Variants in KAZN observed in about 807,000 individuals in gnomAD.
KAZN encodes kazrin.
Under a neutral mutation model 87.4 loss-of-function variants are expected in KAZN, and 40 were observed. The observed-to-expected ratio is 0.46, with a 90% CI of 0.36 to 0.60. The LOEUF is 0.60. KAZN is among the 20% of genes least tolerant of loss of function. The probability of loss-of-function intolerance (pLI) is 0.00; values close to 1 mark genes in which losing one functional copy is unlikely to be tolerated. For missense variants in KAZN, 898 were observed against 1,073.9 expected (o/e 0.84, Z 2.29); for synonymous variants, 466 against 458.3 (o/e 1.02, Z -0.22).
rs866770285 is a variant in KAZN at position 14,616,083 on chromosome 1, G to A, written c.226+16860G>A. 6.6e-5 allele frequency among the ~76,000 whole-genome samples: 10 copies of A among 152,274 alleles called. No homozygotes were observed. The East Asian group carries it at 1.7e-3, about 26-fold the overall frequency. On this transcript the variant is annotated intron_variant, in intron 1 of 14. Transcript: ENST00000376030. The stretch of plus-strand genomic sequence containing the variant: ...GTGCCCATGTGGGTTATGGAATGAC[G>A]CAATGCCTATACAATCCAGGAAGGG...
chr1:14,291,929 T>C (rs1278553180), intron 2 of KAZN, among the ~76,000 whole-genome samples: 2 of 152,192 alleles, frequency 1.3e-5, no homozygotes, highest in African/African-American at 2.4e-5. Context: ...TCTACCATGA[T>C]TGTAAGTTTC....
intron 8 of KAZN, among the ~76,000 whole-genome samples, chr1:15,074,553 TG>T (rs1639654506): frequency 6.6e-6 from 1 of 152,034 alleles, no homozygotes; most frequent in African/African-American, 2.4e-5. Flanking sequence ...AATAGGAAAA[TG>T]GGGCCCCTGG....
intron 1 of KAZN, among the ~76,000 whole-genome samples, chr1:14,630,978 A>G (rs1285360604): frequency 6.6e-6 from 1 of 152,232 alleles, no homozygotes; most frequent in Non-Finnish European, 1.5e-5. Flanking sequence ...TAACTAGTAT[A>G]CGTTGATTAC....
intron 1 of KAZN, among the ~76,000 whole-genome samples, chr1:14,070,682 C>T (rs141561476): frequency 3.3e-5 from 5 of 152,298 alleles, no homozygotes; most frequent in African/African-American, 7.2e-5. Context: ...GTGACACTTT[C>T]GTACACGTAT....
chr1:14,192,125 G>A (rs1445872306), intron 2 of KAZN, among the ~76,000 whole-genome samples: 1 of 152,134 alleles, frequency 6.6e-6, no homozygotes, highest in African/African-American at 2.4e-5. Context: ...CCCAAACATA[G>A]ACATAGAGGA....
chr1:14,093,128 T>C (rs1284681063), intron 1 of KAZN, among the ~76,000 whole-genome samples: 2 of 152,172 alleles, frequency 1.3e-5, no homozygotes, highest in Non-Finnish European at 2.9e-5. Flanking sequence ...CTGACCCACC[T>C]CTGCATCCTC....
chr1:15,027,174 C>T (rs1490263690), intron 2 of KAZN, among the ~76,000 whole-genome samples: 2 of 148,756 alleles, frequency 1.3e-5, no homozygotes, highest in Non-Finnish European at 3.0e-5. Context: ...CTCCGCCTCC[C>T]GGGTTCACGC....
rs145681878 is a variant in KAZN, at chr1:14,687,604, G to A, written c.226+88381G>A. 3.1e-3 allele frequency among the ~76,000 whole-genome samples: 469 copies of A among 152,304 alleles called. 6 individuals are homozygous for A. The highest frequency in any genetic ancestry group is 4.5e-3 in the Non-Finnish European group (304 of 68,030). On this transcript the variant is annotated intron_variant, in intron 1 of 14. Transcript: ENST00000376030. Reference sequence around the variant, plus strand: ...TCCAGGCCAGCGTGTAAGACACAAGGGGGGAGGATAAGTCTGTAAACAAAT... The same window carrying A: ...TCCAGGCCAGCGTGTAAGACACAAGAGGGGAGGATAAGTCTGTAAACAAAT...
At position 14,244,963 on chromosome 1, in the gene KAZN, T is replaced by C. The variant is rs537556616; in HGVS notation, c.249+64371T>C. On this transcript the variant is annotated intron_variant, in intron 2 of 16. Transcript: ENST00000636203. ...TTTTAGTTTTTCTGGGATTTTGTCT[T>C]GTTTTTTGTTTTTTGGAGATGGAGT... 1.6e-4 allele frequency among the ~76,000 whole-genome samples: 24 copies of C among 152,066 alleles called. No homozygotes were observed. In the South Asian group the frequency reaches 2.5e-3, roughly 16 times the overall value.
At chr1:14,203,243 A>G (rs552338396) in intron 2 of KAZN, among the ~76,000 whole-genome samples, 1 of 152,214 alleles carries the variant, frequency 6.6e-6, no homozygotes. Flanking sequence ...GGAGTGCGAG[A>G]GGAAATATCC....
At chr1:14,908,781 G>A (rs750508907) in intron 1 of KAZN, among the ~76,000 whole-genome samples, 3 of 152,122 alleles carry the variant, frequency 2.0e-5, no homozygotes, top group Non-Finnish European at 4.4e-5. Flanking sequence ...TTGAGAGGCC[G>A]AGGCAGGTAG....
intron 1 of KAZN, among the ~76,000 whole-genome samples, chr1:14,822,478 C>G (rs1215984406): frequency 6.6e-6 from 1 of 152,146 alleles, no homozygotes; most frequent in East Asian, 1.9e-4. Flanking sequence ...GAATTTCACA[C>G]AATGCAAAGA....
In KAZN at chr1:14,975,692, A is replaced by T. The variant is rs564194734; in HGVS notation, c.418+14817A>T. On this transcript the variant is annotated intron_variant, in intron 2 of 14. Coordinates refer to ENST00000376030, the MANE Select transcript of KAZN (RefSeq NM_201628.3). Reference sequence around the variant, plus strand: ...GTTGTTTTTCCCATTTTGCACATGAAAAGATTGAGGCCCAGAGACCTGACC... The same window carrying T: ...GTTGTTTTTCCCATTTTGCACATGATAAGATTGAGGCCCAGAGACCTGACC... 3.9e-4 allele frequency among the ~76,000 whole-genome samples: 60 copies of T among 152,238 alleles called. 1 individual carries two copies. The highest frequency in any genetic ancestry group is 3.7e-3 in the Admixed American group (56 of 15,290).
chr1:14,386,085 T>C (rs1275993271), intron 2 of KAZN, among the ~76,000 whole-genome samples: 1 of 150,632 alleles, frequency 6.6e-6, no homozygotes, highest in Non-Finnish European at 1.5e-5. Flanking sequence ...CTTTGTCTCT[T>C]TTGATCTTTG....
chr1:15,003,303 C>T (rs1668685768), intron 2 of KAZN, among the ~76,000 whole-genome samples: 1 of 152,184 alleles, frequency 6.6e-6, no homozygotes. Flanking sequence ...CTGTTTTCAT[C>T]TCTATTGCTC....
intron 1 of KAZN, among the ~76,000 whole-genome samples, chr1:14,941,577 TC>T (rs34626465): frequency 6.6e-6 from 1 of 151,786 alleles, no homozygotes; most frequent in Non-Finnish European, 1.5e-5. Flanking sequence ...GTGGGGAGGT[TC>T]CGGTTTTTTT....
intron 4 of KAZN, among the ~76,000 whole-genome samples, chr1:15,052,312 T>A (rs767165559): frequency 1.3e-5 from 2 of 152,116 alleles, no homozygotes; most frequent in Non-Finnish European, 2.9e-5. Context: ...CAAAGGCACG[T>A]CTTACATGGT....
chr1:15,037,528 G>A (rs776447233), intron 3 of KAZN, among the ~76,000 whole-genome samples: 20 of 152,298 alleles, frequency 1.3e-4, no homozygotes, highest in Non-Finnish European at 2.4e-4. Context: ...AGTGCTGTCA[G>A]ACCTGAGGTT....
Position 14,681,926 on chromosome 1 carries a change from C to T in KAZN, c.226+82703C>T, listed in dbSNP as rs531717207. 7.9e-5 allele frequency among the ~76,000 whole-genome samples: 12 copies of T among 151,752 alleles called. No individual in the cohort carries two copies. In the East Asian group the frequency reaches 2.2e-3, roughly 27 times the overall value. ...CAGGATGGTCTCGATCTCCTGACCT[C>T]GTGATCCGCCCAGCCTCTCAAAGTG... is the stretch of plus-strand genomic sequence containing the variant. On this transcript the variant is annotated intron_variant, in intron 1 of 14. Transcript: ENST00000376030.
Sources: allele counts gnomAD v4.1 joint callset (sites outside exome capture counted in the v4.1 genomes callset), GRCh38; gene constraint gnomAD v4.1.1; transcripts MANE v1.5; gene names NCBI Gene and HGNC (gene_info 2026-07-23, HGNC 2026-07-21).